Variants in MORN1 observed in about 807,000 individuals in gnomAD.
MORN1 encodes the protein MORN repeat-containing protein 1.
MORN1 carries 67 observed loss-of-function variants against 61.9 expected under a neutral mutation model. The observed-to-expected ratio is 1.08, with a 90% CI of 0.89 to 1.33. The LOEUF is 1.33. Ranked by LOEUF, MORN1 falls within the 40% of genes most tolerant of loss-of-function variation. The probability of loss-of-function intolerance (pLI) is 0.00; values close to 1 mark genes in which losing one functional copy is unlikely to be tolerated. For synonymous variants in MORN1, 301 were observed against 292.0 expected, an observed-to-expected ratio of 1.03 and a Z score of -0.31; for missense variants, 752 against 691.2, an observed-to-expected ratio of 1.09 and a Z score of -0.99.
At chr1:2,321,779 C>T (rs1181204161) in intron 13 of MORN1, among the ~76,000 whole-genome samples, 200 bp from the exon 14 acceptor site, 2 of 152,132 alleles carry the variant, frequency 1.3e-5, no homozygotes, top group Admixed American at 6.5e-5. Flanking sequence ...GACACACAGT[C>T]AGCATAGGTG....
At chr1:2,388,150 T>C in intron 3 of MORN1, 89 bp downstream of exon 3, 3 of 1,022,060 alleles carry the variant, frequency 2.9e-6, no homozygotes. Flanking sequence ...CGTCTACACG[T>C]CACGCCTTCT....
At chr1:2,358,810 A>C (rs1350087156) in intron 8 of MORN1, 95 bp from the exon 9 acceptor site, 5 of 1,450,796 alleles carry the variant, frequency 3.4e-6, no homozygotes, top group Non-Finnish European at 4.7e-6. Context: ...TGTGTTTATA[A>C]CTCAGCGGGG....
intron 8 of MORN1, among the ~76,000 whole-genome samples, chr1:2,361,756 C>A (rs566500377): frequency 3.9e-5 from 6 of 152,264 alleles, no homozygotes; most frequent in African/African-American, 1.2e-4. Context: ...ACCCTCCATG[C>A]GGCTGAACAT....
In MORN1 at chr1:2,357,501, G is replaced by A; in HGVS notation, c.967C>T (p.Pro323Ser). 1 of 1,612,828 alleles carries A rather than the reference G, an allele frequency of 6.2e-7. No individual in the cohort carries two copies. The highest frequency in any genetic ancestry group is 8.5e-7 in the Non-Finnish European group (1 of 1,179,718). The change falls in exon 10 of 14, where the codon CCC becomes TCC. Residue 323 changes from proline (P) to serine (S), a missense_variant. By Grantham distance (74) the Pro-to-Ser change is moderately conservative. Transcript: ENST00000378531. This position sits in a 1 kb window ranked among gnomAD's most constrained non-coding sequence, Gnocchi z 6.3. ...KGGAEADVPL[P>S]RGDLELHLGA... ...AAATGCAGCTCCAGGTCTCCCCTGG[G>A]CAGGGGCACGTCGGCTTCTGCCCCT...
At chr1:2,325,161 CTTCCTTCCT>C (rs1640990973) in intron 12 of MORN1, among the ~76,000 whole-genome samples, 3 of 114,004 alleles carry the variant, frequency 2.6e-5, no homozygotes, top group African/African-American at 6.4e-5. Context: ...CCTTCCCTCC[CTTCCTTCCT>C]TTCCTTCCTT....
At chr1:2,389,269 C>CT (rs887779555) in intron 2 of MORN1, among the ~76,000 whole-genome samples, 3 of 152,170 alleles carry the variant, frequency 2.0e-5, no homozygotes, top group Admixed American at 1.3e-4. Flanking sequence ...TTTATACTTG[C>CT]TTTTTTTGTT....
intron 10 of MORN1, among the ~76,000 whole-genome samples, chr1:2,347,825 G>C (rs945503778): frequency 6.6e-6 from 1 of 152,146 alleles, no homozygotes; most frequent in Admixed American, 6.5e-5. Flanking sequence ...TTACATTTTG[G>C]GGTAAATGTT....
intron 13 of MORN1, chr1:2,322,358 A>T (rs1366581324): frequency 1.0e-6 from 1 of 985,258 alleles, no homozygotes; most frequent in African/African-American, 1.7e-5. Flanking sequence ...GCCGCAGCTG[A>T]AATGGGGGCA....
chr1:2,344,877 T>C (rs1641476393), intron 10 of MORN1, among the ~76,000 whole-genome samples: 1 of 152,220 alleles, frequency 6.6e-6, no homozygotes, highest in Non-Finnish European at 1.5e-5. Context: ...AGAGGGAGCA[T>C]GACCGTCTCT....
At chr1:2,323,960 C>G (rs1640939959) in intron 13 of MORN1, 137 bp downstream of exon 13, 4 of 1,442,460 alleles carry the variant, frequency 2.8e-6, no homozygotes, top group Non-Finnish European at 3.6e-6. Context: ...GGCTGCTCCC[C>G]AGTCCCCCAC....
At chr1:2,385,693 A>C (rs752979324) in intron 5 of MORN1, 114 bp downstream of exon 5, 8 of 935,554 alleles carry the variant, frequency 8.6e-6, no homozygotes, top group Admixed American at 1.9e-5. Flanking sequence ...CAGGGGCCGG[A>C]ACAGGCCCGG....
intron 2 of MORN1, chr1:2,388,582 AGCC>A: frequency 5.8e-5 from 27 of 463,492 alleles, no homozygotes; most frequent in East Asian, 1.6e-4. Context: ...GCAGGCAGCC[AGCC>A]TGAGCAACAC....
intron 12 of MORN1, among the ~76,000 whole-genome samples, chr1:2,325,125 T>TCTTTCCCTCCCTCCCTCCCTC (rs1557865179): frequency 3.2e-5 from 1 of 30,792 alleles, no homozygotes; most frequent in Non-Finnish European, 5.8e-5. Context: ...TTCCTTCCCT[T>TCTTTCCCTCCCTCCCTCCCTC]CCTTCCTTCC....
At chr1:2,351,935 C>T in intron 10 of MORN1, 1 of 519,800 alleles carries the variant, frequency 1.9e-6, no homozygotes, top group Admixed American at 2.2e-5. Flanking sequence ...CACCCACGGG[C>T]CCACCAATTG....
At chr1:2,332,210 C>A in intron 12 of MORN1, 1 of 207,582 alleles carries the variant, frequency 4.8e-6, no homozygotes, top group Non-Finnish European at 9.8e-6. Context: ...GCTGCCTGTC[C>A]TCCTGAGGGC....
chr1:2,323,774 G>A (rs562143452), intron 13 of MORN1: 722 of 985,292 alleles, frequency 7.3e-4, no homozygotes, highest in Non-Finnish European at 8.4e-4. Flanking sequence ...AGCTCCCCTC[G>A]GCTCCCCTTG....
intron 6 of MORN1, among the ~76,000 whole-genome samples, chr1:2,381,855 C>T (rs1328480216): frequency 5.9e-5 from 9 of 152,308 alleles, no homozygotes; most frequent in Admixed American, 4.6e-4. Flanking sequence ...TCTGGGCTCC[C>T]GGGGAGGAGC....
At chr1:2,322,179 ACTGT>A (rs1640896503) in intron 13 of MORN1, 1 of 985,244 alleles carries the variant, frequency 1.0e-6, no homozygotes, top group Admixed American at 6.2e-5. Context: ...CAGTCTGTAA[ACTGT>A]CTGGAGAGCT....
At chr1:2,321,889 G>A (rs1166720285) in intron 13 of MORN1, 1 of 499,788 alleles carries the variant, frequency 2.0e-6, no homozygotes, top group Non-Finnish European at 2.6e-6. Flanking sequence ...CACGACCCTC[G>A]CATGGTGGCC....
Sources: gnomAD v4.1 joint callset for allele counts (sites outside exome capture counted in the v4.1 genomes callset) on GRCh38, gnomAD v4.1.1 for gene constraint, Gnocchi (gnomAD v3.1) non-coding constraint, MANE v1.5 for transcripts, NCBI Gene and HGNC (gene_info 2026-07-23, HGNC 2026-07-21) for gene names.